Variants in PPEF2 observed in about 807,000 individuals in gnomAD.
PPEF2 encodes serine/threonine-protein phosphatase with EF-hands 2.
In PPEF2, 84 loss-of-function variants were observed where a neutral mutation model predicts 84.7. That is an observed-to-expected ratio of 0.99 (90% CI 0.83 to 1.19). The LOEUF (loss-of-function observed/expected upper bound fraction) is 1.19. PPEF2 is among the 50% of genes most tolerant of loss of function. The probability of loss-of-function intolerance (pLI) is 0.00; values close to 1 mark genes in which losing one functional copy is unlikely to be tolerated. For missense variants in PPEF2, 924 were observed against 937.5 expected (o/e 0.99, Z 0.19); for synonymous variants, 346 against 345.2 (o/e 1.00, Z -0.03).
At position 75,895,485 on chromosome 4, in the gene PPEF2, C is replaced by A. The variant is rs530352805; in HGVS notation, c.55+786G>T. 8.6e-5 allele frequency among the ~76,000 whole-genome samples: 13 copies of A among 152,040 alleles called. No individual in the cohort carries two copies. The East Asian group carries it at 2.5e-3, about 30-fold the overall frequency. ...CGGTGGCTCACGCCTGTAATCCCAG[C>A]ACTTTGGGAAGCCGAGGCAGGCGGA... On this transcript the variant is annotated intron_variant, in intron 2 of 16. Transcript: ENST00000286719.
chr4:75,862,033 G>A (rs1402943652), intron 16 of PPEF2, among the ~76,000 whole-genome samples: 2 of 150,760 alleles, frequency 1.3e-5, no homozygotes, highest in African/African-American at 4.9e-5. Context: ...AGTGGCTCAC[G>A]CCTGTAATCC....
intron 13 of PPEF2, among the ~76,000 whole-genome samples, chr4:75,868,670 T>G (rs1560480191): frequency 6.6e-6 from 1 of 151,986 alleles, no homozygotes; most frequent in Non-Finnish European, 1.5e-5. Context: ...CACTCCAGCC[T>G]GGACAACCAG....
intron 1 of PPEF2, among the ~76,000 whole-genome samples, chr4:75,899,358 C>T (rs1428691652): frequency 3.3e-5 from 5 of 152,126 alleles, no homozygotes; most frequent in Admixed American, 1.3e-4. Context: ...GATTTTGCTT[C>T]CTTTGGATAT....
intron 1 of PPEF2, among the ~76,000 whole-genome samples, chr4:75,901,611 C>G (rs1008616853): frequency 6.6e-6 from 1 of 152,068 alleles, no homozygotes; most frequent in African/African-American, 2.4e-5. Flanking sequence ...AGGTCAGCCA[C>G]AGAAAACGAG....
intron 7 of PPEF2, among the ~76,000 whole-genome samples, chr4:75,885,697 CTATAAAAAA>C: frequency 6.6e-6 from 1 of 152,144 alleles, no homozygotes; most frequent in East Asian, 1.9e-4. Flanking sequence ...AACCCCGTCT[CTATAAAAAA>C]TATAAAAAAT....
chr4:75,889,413 C>T (rs1028901520), intron 5 of PPEF2, among the ~76,000 whole-genome samples: 4 of 152,086 alleles, frequency 2.6e-5, no homozygotes, highest in African/African-American at 9.7e-5. Flanking sequence ...TGTGTTCCTC[C>T]CTCTACCTGG....
At position 75,872,290 on chromosome 4, in the gene PPEF2, TTTTC is replaced by T. The variant is rs772466896; in HGVS notation, c.1507-127_1507-124del. 490 of 913,148 alleles carry T rather than the reference TTTTC, an allele frequency of 5.4e-4. 1 individual carries two copies. The highest frequency in any genetic ancestry group is 1.6e-3 in the South Asian group (63 of 40,488). The allele number at this position is 913,148 out of a possible 1,614,324, so 56.6% of individuals were successfully genotyped here. A position where few individuals can be genotyped will look rare whatever the true frequency, so the allele number is the denominator to read the frequency against. ...TCTCCTAGTGCTCATCTGGGAATCC[TTTTC>T]TTTCTTTCTTTCTTTCTTTTTTTCT... On this transcript the variant is annotated intron_variant, in intron 12 of 16. Coordinates refer to ENST00000286719, the MANE Select transcript of PPEF2 (RefSeq NM_006239.3).
intron 10 of PPEF2, among the ~76,000 whole-genome samples, chr4:75,877,346 A>T: frequency 6.9e-6 from 1 of 144,704 alleles, no homozygotes; most frequent in Admixed American, 7.2e-5. Context: ...TCAAAAAAAA[A>T]ATAAACAATA....
intron 16 of PPEF2, among the ~76,000 whole-genome samples, chr4:75,864,018 A>G (rs947401021): frequency 3.6e-4 from 55 of 151,800 alleles, no homozygotes; most frequent in African/African-American, 1.2e-3. Flanking sequence ...GATTACGGAC[A>G]TGTGCCACCA....
rs2149211552 is a variant in PPEF2 at position 75,860,541 on chromosome 4, G to A, written c.*126C>T. On this transcript the variant is annotated 3_prime_UTR_variant, in exon 17 of 17. Transcript: ENST00000286719. ...CCCCTCCACACTGAAATACACAGGT[G>A]ATTCTGATGCATATGGATAGGTAAA... is the stretch of plus-strand genomic sequence containing the variant. 15 of 1,239,076 alleles carry A rather than the reference G, an allele frequency of 1.2e-5. No homozygotes were observed. In the South Asian group the frequency reaches 2.2e-4, roughly 18 times the overall value. 76.8% of individuals were successfully genotyped at this position (1,239,076 alleles called of 1,614,324 possible).
chr4:75,890,555 T>TCAGCTC (rs1056267502), intron 4 of PPEF2, among the ~76,000 whole-genome samples: 9 of 151,414 alleles, frequency 5.9e-5, no homozygotes, highest in Non-Finnish European at 1.0e-4. Context: ...GGCTTCAGCT[T>TCAGCTC]CAGCTCCAGC....
chr4:75,886,759 A>C, intron 7 of PPEF2, 93 bp downstream of exon 7: 1 of 680,148 alleles, frequency 1.5e-6, no homozygotes, highest in Non-Finnish European at 2.4e-6. Flanking sequence ...TAAAACTTCA[A>C]GTAATATTTA....
Position 75,883,146 on chromosome 4 carries a change from T to A in PPEF2, c.783+20A>T. On this transcript the variant is annotated intron_variant, in intron 9 of 16. Transcript: ENST00000286719. ...ACTTATCTGAACTGAGAGAAACTTT[T>A]GTCTTTAAAGGCAGCGCACCTTGTA... The A allele has an allele frequency of 6.2e-7, 1 of 1,613,892 alleles. No individual in the cohort carries two copies. The highest frequency in any genetic ancestry group is 1.1e-5 in the South Asian group (1 of 91,080).
At chr4:75,888,031 C>T (rs1340978236) in intron 6 of PPEF2, among the ~76,000 whole-genome samples, 183 bp downstream of exon 6, 2 of 152,158 alleles carry the variant, frequency 1.3e-5, no homozygotes, top group African/African-American at 2.4e-5. Flanking sequence ...TGATCCCCTT[C>T]GCTGCACCAC....
In PPEF2 at chr4:75,877,531, C is replaced by T. The variant is rs537104629; in HGVS notation, c.934-858G>A. Among the ~76,000 whole-genome samples, 44 of 152,230 alleles carry T rather than the reference C, an allele frequency of 2.9e-4. No individual in the cohort carries two copies. In the South Asian group the frequency reaches 8.7e-3, roughly 30 times the overall value. ...CTGGTGCCCACAGACAAGTGCTGGTCGGTTCACTGTTCCTGGCCTGGGACA... is the reference window on the plus strand; with the variant it reads ...CTGGTGCCCACAGACAAGTGCTGGTTGGTTCACTGTTCCTGGCCTGGGACA... On this transcript the variant is annotated intron_variant, in intron 10 of 16. Coordinates refer to ENST00000286719, the MANE Select transcript of PPEF2 (RefSeq NM_006239.3).
chr4:75,894,389 G>T (rs989087747), intron 2 of PPEF2, among the ~76,000 whole-genome samples: 4 of 152,216 alleles, frequency 2.6e-5, no homozygotes, highest in African/African-American at 9.6e-5. Flanking sequence ...GCCTAATATC[G>T]ACTTCCAATA....
intron 8 of PPEF2, 96 bp downstream of exon 8, chr4:75,884,498 T>C: frequency 7.3e-7 from 1 of 1,362,786 alleles, no homozygotes. Flanking sequence ...GAAAACTAGT[T>C]TTAAAGGCAT....
chr4:75,872,170 A>C lies in PPEF2; in HGVS notation c.1507-3T>G, dbSNP rs776382922. ...GAGGCAGAAAAGATTGTTAATACCT[A>C]CATCAAAACAGAAGAGAGACAGGTG... On this transcript the variant is annotated splice_polypyrimidine_tract_variant and splice_region_variant and intron_variant, in intron 12 of 16. Transcript: ENST00000286719. 1 of 1,612,272 alleles carries C rather than the reference A, an allele frequency of 6.2e-7. No individual in the cohort carries two copies. The highest frequency in any genetic ancestry group is 8.5e-7 in the Non-Finnish European group (1 of 1,179,354).
intron 16 of PPEF2, among the ~76,000 whole-genome samples, chr4:75,862,327 C>G (rs942440353): frequency 2.1e-5 from 3 of 142,804 alleles, no homozygotes; most frequent in Admixed American, 1.4e-4. Context: ...AAAAAACTTT[C>G]GGGCATCAAA....
Sources: gnomAD v4.1 joint callset for allele counts (sites outside exome capture counted in the v4.1 genomes callset) on GRCh38, gnomAD v4.1.1 for gene constraint, MANE v1.5 for transcripts, NCBI Gene and HGNC (gene_info 2026-07-23, HGNC 2026-07-21) for gene names.